MAGI3: variants seen among roughly 807,000 people sequenced by gnomAD.
The protein encoded by MAGI3 is membrane associated guanylate kinase, WW and PDZ domain containing 3.
Under a neutral mutation model 121.8 loss-of-function variants are expected in MAGI3, and 43 were observed. The ratio of observed to expected loss-of-function variants is 0.35; its 90% CI spans 0.28 to 0.46. The LOEUF is 0.46. MAGI3 is among the 20% of genes least tolerant of loss of function. MAGI3 has a pLI of 1.00. For missense variants in MAGI3, 1,547 were observed against 1,797.3 expected, an observed-to-expected ratio of 0.86 and a Z score of 2.52; for synonymous variants, 553 against 639.3, an observed-to-expected ratio of 0.86 and a Z score of 2.04.
In MAGI3 at chr1:113,524,789, G is replaced by C. The variant is rs957388489; in HGVS notation, c.317-24726G>C. 2.3e-4 allele frequency among the ~76,000 whole-genome samples: 35 copies of C among 151,978 alleles called. 1 individual carries two copies. Among genetic ancestry groups the C allele is most frequent in the Non-Finnish European group, 4.4e-5 (3 of 67,950 alleles). On this transcript the variant is annotated intron_variant, in intron 1 of 20. Coordinates refer to ENST00000307546, the MANE Select transcript of MAGI3 (RefSeq NM_001142782.2). ...GGGGAACTGTTAGAAGACATGATTG[G>C]TTTTGAAATGTGAAGAGATGAGATT...
intron 3 of MAGI3, among the ~76,000 whole-genome samples, chr1:113,584,593 C>A (rs571484768): frequency 6.6e-6 from 1 of 152,278 alleles, no homozygotes; most frequent in South Asian, 2.1e-4. Context: ...CTTAGCTTAA[C>A]CTTTACCTAC....
At chr1:113,619,854 C>G in intron 8 of MAGI3, 24 bp downstream of exon 8, 6 of 1,512,252 alleles carry the variant, frequency 4.0e-6, no homozygotes, top group Non-Finnish European at 5.5e-6. Context: ...TCAATCTTTT[C>G]TTCTAAGAAT....
At chr1:113,435,232 A>G (rs1283261185) in intron 1 of MAGI3, among the ~76,000 whole-genome samples, 1 of 152,168 alleles carries the variant, frequency 6.6e-6, no homozygotes, top group Non-Finnish European at 1.5e-5. Context: ...TGGACACTTA[A>G]TAAGCGTTCG....
At chr1:113,476,810 T>C (rs1309180341) in intron 1 of MAGI3, among the ~76,000 whole-genome samples, 1 of 152,202 alleles carries the variant, frequency 6.6e-6, no homozygotes, top group Non-Finnish European at 1.5e-5. Flanking sequence ...CTCTCTAATA[T>C]TGACAGTGGG....
At chr1:113,470,923 G>A (rs1655509660) in intron 1 of MAGI3, among the ~76,000 whole-genome samples, 4 of 152,146 alleles carry the variant, frequency 2.6e-5, no homozygotes. Flanking sequence ...TTAGTTTGAT[G>A]CAAAGCTATT....
chr1:113,519,037 G>A (rs182161205), intron 1 of MAGI3, among the ~76,000 whole-genome samples: 7 of 152,160 alleles, frequency 4.6e-5, no homozygotes, highest in African/African-American at 1.7e-4. Context: ...GAAATAAAAG[G>A]GGGTACTGAT....
At position 113,683,795 on chromosome 1, in the gene MAGI3, G is replaced by T. The variant is rs750505991; in HGVS notation, c.4227G>T (p.Lys1409Asn). The stretch of plus-strand genomic sequence containing the variant: ...GAGAAAATGTCCAGCTATCAGAAAA[G>T]AGGCTGAAGCAAGAACCTGAAGAGA... Reference protein sequence around the residue: ...KIGENVQLSEKRLKQEPEEKV... With the variant: ...KIGENVQLSENRLKQEPEEKV... Residue 1409 changes from lysine to asparagine, a missense_variant, in exon 21 of 21, where the codon AAG becomes AAT. By Grantham distance (94) the Lys-to-Asn change is moderately conservative (BLOSUM62 0). Transcript: ENST00000307546. 29 of 1,608,518 alleles carry T rather than the reference G, an allele frequency of 1.8e-5. No individual in the cohort carries two copies. The highest frequency in any genetic ancestry group is 2.2e-5 in the Non-Finnish European group (26 of 1,177,248).
intron 1 of MAGI3, among the ~76,000 whole-genome samples, chr1:113,491,980 A>G (rs1054898393): frequency 1.3e-5 from 2 of 152,342 alleles, no homozygotes; most frequent in African/African-American, 4.8e-5. Flanking sequence ...AACTATTCCA[A>G]TGAAGTTAAG....
At chr1:113,570,847 G>A (rs1647258319) in intron 2 of MAGI3, among the ~76,000 whole-genome samples, 1 of 152,108 alleles carries the variant, frequency 6.6e-6, no homozygotes, top group South Asian at 2.1e-4. Context: ...TAGGTTGCCT[G>A]TTCACTCTGA....
intron 6 of MAGI3, among the ~76,000 whole-genome samples, chr1:113,595,504 T>C (rs551203022): frequency 6.9e-6 from 1 of 144,876 alleles, no homozygotes; most frequent in South Asian, 2.2e-4. Context: ...GTAGTCCTCC[T>C]TGTATTGAAG....
chr1:113,595,467 A>C (rs1648941699), intron 6 of MAGI3, among the ~76,000 whole-genome samples: 1 of 152,204 alleles, frequency 6.6e-6, no homozygotes, highest in Non-Finnish European at 1.5e-5. Context: ...GGTTTTAAAA[A>C]ATAAGTGGCG....
chr1:113,576,643 A>T (rs1046211167), intron 2 of MAGI3: 8 of 152,214 alleles, frequency 5.3e-5, no homozygotes, highest in Admixed American at 5.2e-4. Context: ...TTAAAGACAC[A>T]AACCCAACAG....
intron 1 of MAGI3, among the ~76,000 whole-genome samples, chr1:113,466,586 C>G (rs1183749777): frequency 6.6e-6 from 1 of 152,024 alleles, no homozygotes; most frequent in Non-Finnish European, 1.5e-5. Context: ...GTAGAATCAT[C>G]AATAGAGCCA....
At chr1:113,414,302 G>C (rs554916899) in intron 1 of MAGI3, among the ~76,000 whole-genome samples, 1 of 152,008 alleles carries the variant, frequency 6.6e-6, no homozygotes, top group Admixed American at 6.6e-5. Flanking sequence ...GAGGATTTTC[G>C]CATCGATGTT....
At chr1:113,607,196 T>C (rs1162466290) in intron 6 of MAGI3, among the ~76,000 whole-genome samples, 2 of 152,200 alleles carry the variant, frequency 1.3e-5, no homozygotes, top group African/African-American at 2.4e-5. Flanking sequence ...TTTCATAATG[T>C]TGTTACTGAA....
rs558450614 is a variant in MAGI3 at position 113,658,926 on chromosome 1, C to T, written c.2630-154C>T. Among the ~76,000 whole-genome samples the T allele has an allele frequency of 1.1e-4, 16 of 152,144 alleles. No individual in the cohort carries two copies. The South Asian group carries it at 3.3e-3, about 32-fold the overall frequency. On this transcript the variant is annotated intron_variant, in intron 15 of 20. Transcript: ENST00000307546. This position sits in a 1 kb window ranked among gnomAD's most constrained non-coding sequence, Gnocchi z 4.0. ...AAAGTGAGAAGTATGAAAATAGTTC[C>T]GTTTGGATGCGATGATGACGTGTGG...
At chr1:113,663,368 T>C (rs1653881726) in intron 16 of MAGI3, among the ~76,000 whole-genome samples, 1 of 151,680 alleles carries the variant, frequency 6.6e-6, no homozygotes, top group South Asian at 2.1e-4. Context: ...CACTTCCCAT[T>C]CTCTCGAAAC....
At chr1:113,421,477 C>T (rs1421850595) in intron 1 of MAGI3, among the ~76,000 whole-genome samples, 1 of 152,130 alleles carries the variant, frequency 6.6e-6, no homozygotes, top group Admixed American at 6.5e-5. Flanking sequence ...GACTCTAAAC[C>T]GAGGTTTCAT....
chr1:113,475,836 G>A (rs951088062), intron 1 of MAGI3, among the ~76,000 whole-genome samples: 5 of 152,088 alleles, frequency 3.3e-5, no homozygotes, highest in Non-Finnish European at 5.9e-5. Flanking sequence ...GGTAGAATTC[G>A]GCTGTGAATC....
Sources: allele counts gnomAD v4.1 joint callset (sites outside exome capture counted in the v4.1 genomes callset), GRCh38; gene constraint gnomAD v4.1.1; non-coding constraint Gnocchi (gnomAD v3.1); transcripts MANE v1.5; gene names NCBI Gene and HGNC (gene_info 2026-07-23, HGNC 2026-07-21).